PTPN1: variants seen among roughly 807,000 people sequenced by gnomAD.
PTPN1 encodes the protein protein tyrosine phosphatase non-receptor type 1, also known as tyrosine-protein phosphatase non-receptor type 1.
PTPN1 carries 12 observed loss-of-function variants against 59.9 expected under a neutral mutation model. The observed-to-expected ratio is 0.20, with a 90% CI of 0.13 to 0.32. The LOEUF is 0.32. Ranked by LOEUF, PTPN1 falls within the 10% of genes least tolerant of loss-of-function variation. The pLI, the probability that PTPN1 is intolerant of heterozygous loss-of-function variation, is 1.00. For missense variants in PTPN1, 356 were observed against 549.2 expected (o/e 0.65, Z 3.52); for synonymous variants, 178 against 203.6 (o/e 0.87, Z 1.07).
At chr20:50,533,728 G>A (rs1229159376) in intron 1 of PTPN1, among the ~76,000 whole-genome samples, 9 of 151,856 alleles carry the variant, frequency 5.9e-5, no homozygotes, top group Non-Finnish European at 1.3e-4. Context: ...TACCACTTCC[G>A]AAAGGTTCAG....
chr20:50,520,232 G>A (rs887115987), intron 1 of PTPN1, among the ~76,000 whole-genome samples: 10 of 151,920 alleles, frequency 6.6e-5, no homozygotes, highest in Non-Finnish European at 1.2e-4. Flanking sequence ...TTAGCCGAGC[G>A]TGGTGGTACA....
At chr20:50,531,197 A>G (rs80095988) in intron 1 of PTPN1, among the ~76,000 whole-genome samples, 1,852 of 152,050 alleles carry the variant, frequency 0.012, 35 homozygotes, top group African/African-American at 0.043. Flanking sequence ...AGACCACCAC[A>G]CTCACCAGCT....
chr20:50,581,778 G>GA (rs1292765161), intron 9 of PTPN1, among the ~76,000 whole-genome samples: 1 of 149,740 alleles, frequency 6.7e-6, no homozygotes, highest in East Asian at 1.9e-4. Flanking sequence ...TTTGTTTTTG[G>GA]AAAAAAATAG....
intron 1 of PTPN1, among the ~76,000 whole-genome samples, chr20:50,559,492 G>T (rs930578926): frequency 6.6e-6 from 1 of 152,092 alleles, no homozygotes; most frequent in Non-Finnish European, 1.5e-5. Context: ...CTCTTTGTCC[G>T]CAGAATTCTG....
intron 1 of PTPN1, 114 bp from the exon 2 acceptor site, chr20:50,561,249 C>A: frequency 1.2e-6 from 1 of 803,982 alleles, no homozygotes; most frequent in Non-Finnish European, 2.0e-6. Flanking sequence ...GTACATACCT[C>A]TGAATTATCA....
chr20:50,537,588 T>C (rs2082629671), intron 1 of PTPN1, among the ~76,000 whole-genome samples: 1 of 152,214 alleles, frequency 6.6e-6, no homozygotes, highest in Non-Finnish European at 1.5e-5. Context: ...CTAGGTTGTT[T>C]TGTTCTGCCC....
At chr20:50,572,774 C>T (rs1300404447) in intron 4 of PTPN1, 2 of 152,188 alleles carry the variant, frequency 1.3e-5, no homozygotes, top group African/African-American at 4.8e-5. Context: ...TTCATCTTTT[C>T]ACATTCTTCT....
chr20:50,560,362 A>G (rs533016340), intron 1 of PTPN1, among the ~76,000 whole-genome samples: 1 of 152,266 alleles, frequency 6.6e-6, no homozygotes, highest in South Asian at 2.1e-4. Context: ...ATGAGATGGC[A>G]ATCCAGGTCT....
intron 5 of PTPN1, among the ~76,000 whole-genome samples, chr20:50,577,297 C>T (rs776587878): frequency 3.9e-5 from 6 of 152,194 alleles, no homozygotes; most frequent in African/African-American, 1.2e-4. Flanking sequence ...TGTGGACATT[C>T]GTCAAGTGAA....
Position 50,563,981 on chromosome 20 carries a change from T to A in PTPN1, c.155-988T>A, listed in dbSNP as rs116606077. 6.1e-3 allele frequency among the ~76,000 whole-genome samples: 934 copies of A among 152,292 alleles called. 12 individuals carry two copies. Among genetic ancestry groups the A allele is most frequent in the African/African-American group, 0.021 (871 of 41,566 alleles). On this transcript the variant is annotated intron_variant, in intron 2 of 9. Transcript: ENST00000371621. ...GTAAATTTAATATACTTTCAGTGTT[T>A]GGGCTTAAATTCTCTTTCAAGTGTC...
intron 1 of PTPN1, among the ~76,000 whole-genome samples, chr20:50,560,960 T>C (rs2082749474): frequency 6.6e-6 from 1 of 152,154 alleles, no homozygotes; most frequent in African/African-American, 2.4e-5. Context: ...GAAATTGCAG[T>C]TGGAACTCCC....
chr20:50,547,540 T>C (rs551535087), intron 1 of PTPN1, among the ~76,000 whole-genome samples: 3 of 152,216 alleles, frequency 2.0e-5, no homozygotes, highest in South Asian at 4.2e-4. Flanking sequence ...ATTTTTGTAT[T>C]TTTAGTAGAG....
At chr20:50,525,267 G>A (rs1326964186) in intron 1 of PTPN1, among the ~76,000 whole-genome samples, 1 of 151,966 alleles carries the variant, frequency 6.6e-6, no homozygotes, top group Non-Finnish European at 1.5e-5. Context: ...CACCATGTTG[G>A]CCAGGGTGGT....
At chr20:50,578,342 A>G in intron 5 of PTPN1, 78 bp from the exon 6 acceptor site, 2 of 1,246,338 alleles carry the variant, frequency 1.6e-6, no homozygotes, top group East Asian at 2.3e-5. Context: ...GTGGAAGGTG[A>G]CTCTGTGTGT....
At chr20:50,534,730 C>CT (rs113246580) in intron 1 of PTPN1, among the ~76,000 whole-genome samples, 5,379 of 148,460 alleles carry the variant, frequency 0.036, 127 homozygotes, top group Middle Eastern at 0.062. Context: ...AATCCTTATC[C>CT]TTTTTTTTTT....
intron 1 of PTPN1, among the ~76,000 whole-genome samples, chr20:50,546,184 A>C (rs376854198): frequency 2.4e-4 from 36 of 152,340 alleles, no homozygotes; most frequent in African/African-American, 8.7e-4. Context: ...TCCCCCCTGA[A>C]GCGCAGGCTC....
At chr20:50,578,261 G>A (rs529346933) in intron 5 of PTPN1, among the ~76,000 whole-genome samples, 159 bp from the exon 6 acceptor site, 2 of 152,172 alleles carry the variant, frequency 1.3e-5, no homozygotes, top group Admixed American at 6.5e-5. Context: ...CCCAGGGTGT[G>A]GTATTTGTTG....
chr20:50,573,981 A>G (rs1316249293), intron 4 of PTPN1: 1 of 152,442 alleles, frequency 6.6e-6, no homozygotes, highest in African/African-American at 2.4e-5. Flanking sequence ...TGAAAGGGCA[A>G]GCCCTGGGGA....
At chr20:50,511,945 C>T (rs1388009529) in intron 1 of PTPN1, among the ~76,000 whole-genome samples, 2 of 152,108 alleles carry the variant, frequency 1.3e-5, no homozygotes, top group Admixed American at 6.5e-5. Flanking sequence ...TTAAGCAGTT[C>T]TTTGGTATGC....
Sources: allele counts gnomAD v4.1 joint callset (sites outside exome capture counted in the v4.1 genomes callset), GRCh38; gene constraint gnomAD v4.1.1; transcripts MANE v1.5; gene names NCBI Gene and HGNC (gene_info 2026-07-23, HGNC 2026-07-21).